RCOR3: variants seen among roughly 807,000 people sequenced by gnomAD.
RCOR3 encodes the protein REST corepressor 3.
A neutral mutation model predicts 64.1 loss-of-function variants in RCOR3; 13 were observed. The ratio of observed to expected loss-of-function variants is 0.20; its 90% CI spans 0.13 to 0.32. RCOR3 has a LOEUF of 0.32. Ranked by LOEUF, RCOR3 falls within the 10% of genes least tolerant of loss-of-function variation. The probability of loss-of-function intolerance (pLI) is 1.00; values close to 1 mark genes in which losing one functional copy is unlikely to be tolerated. For missense variants in RCOR3, 489 were observed against 701.2 expected (o/e 0.70, Z 3.42); for synonymous variants, 215 against 239.0 (o/e 0.90, Z 0.93).
chr1:211,259,957 CAT>C, intron 1 of RCOR3, 149 bp from the exon 2 acceptor site: 1 of 1,369,178 alleles, frequency 7.3e-7, no homozygotes, highest in Non-Finnish European at 9.4e-7. Context: ...AATCCGCTGC[CAT>C]CTCCCGGAGT....
intron 10 of RCOR3, among the ~76,000 whole-genome samples, chr1:211,307,317 A>T (rs1026294888): frequency 7.9e-5 from 12 of 152,050 alleles, no homozygotes; most frequent in African/African-American, 2.7e-4. Flanking sequence ...GTGAAACCCC[A>T]TCTTCACTGA....
At chr1:211,280,230 T>G (rs1697590719) in intron 7 of RCOR3, among the ~76,000 whole-genome samples, 1 of 152,194 alleles carries the variant, frequency 6.6e-6, no homozygotes, top group Admixed American at 6.5e-5. Context: ...ACTTGGCAGA[T>G]AACTTCATCC....
chr1:211,266,480 A>G (rs540496470), intron 2 of RCOR3, among the ~76,000 whole-genome samples: 2 of 152,342 alleles, frequency 1.3e-5, no homozygotes, highest in South Asian at 4.1e-4. Flanking sequence ...TTTTACTTAA[A>G]ACTGAAGACA....
intron 8 of RCOR3, among the ~76,000 whole-genome samples, chr1:211,290,048 C>T (rs565141436): frequency 7.6e-4 from 116 of 152,276 alleles, no homozygotes; most frequent in Non-Finnish European, 1.4e-3. Context: ...CAGTGCCTGG[C>T]GCATATTAAG....
At chr1:211,281,069 T>G (rs1156603932) in intron 7 of RCOR3, among the ~76,000 whole-genome samples, 1 of 151,918 alleles carries the variant, frequency 6.6e-6, no homozygotes, top group Non-Finnish European at 1.5e-5. Flanking sequence ...TTGAGTTTGC[T>G]TTAGTCAGGC....
chr1:211,313,784 C>T lies in RCOR3; in HGVS notation c.*16C>T. ...ACTGCACTAAAAATTAAATTGGACA[C>T]AGCTGCAGTAACTTTTCACCCCATC... is the stretch of plus-strand genomic sequence containing the variant. On this transcript the variant is annotated 3_prime_UTR_variant, in exon 12 of 12. Coordinates refer to ENST00000419091, the MANE Select transcript of RCOR3 (RefSeq NM_001136223.3). The surrounding 1 kb of genome is among the most constrained non-coding windows in gnomAD (Gnocchi z 4.7). 2 of 1,596,714 alleles carry T rather than the reference C, an allele frequency of 1.3e-6. No individual in the cohort carries two copies. The highest frequency in any genetic ancestry group is 1.7e-6 in the Non-Finnish European group (2 of 1,165,070).
rs191799762 is a variant in RCOR3 at position 211,312,681 on chromosome 1, T to C, written c.1076-39T>C. 1.6e-4 allele frequency: 220 copies of C among 1,418,486 alleles called. 1 individual carries two copies. In the East Asian group the frequency reaches 4.8e-3, roughly 31 times the overall value. The allele number at this position is 1,418,486 out of a possible 1,614,324, so 87.9% of individuals were successfully genotyped here. A position where few individuals can be genotyped will look rare whatever the true frequency, so the allele number is the denominator to read the frequency against. On this transcript the variant is annotated intron_variant, in intron 10 of 11. Coordinates refer to ENST00000419091, the MANE Select transcript of RCOR3 (RefSeq NM_001136223.3). The surrounding 1 kb of genome is among the most constrained non-coding windows in gnomAD (Gnocchi z 5.0). ...TGTATAGTACACACAGCTCTCCTTA[T>C]TGATCCTTCACAGGTGTATTATTTA...
intron 10 of RCOR3, among the ~76,000 whole-genome samples, chr1:211,310,364 A>G (rs989468183): frequency 6.6e-6 from 1 of 152,204 alleles, no homozygotes; most frequent in Non-Finnish European, 1.5e-5. Flanking sequence ...AAATGTGCCT[A>G]GATATTTGTT....
intron 8 of RCOR3, among the ~76,000 whole-genome samples, chr1:211,293,998 C>T (rs1043626167): frequency 6.6e-6 from 1 of 152,202 alleles, no homozygotes; most frequent in African/African-American, 2.4e-5. Flanking sequence ...GGTTTCTTAA[C>T]TTCTCTGTGC....
In RCOR3 at chr1:211,316,326, TCTTA is replaced by T. The variant is rs1306507317; in HGVS notation, c.*2559_*2562del. ...TAAGTTATGATCAAACTTTTTATGT[TCTTA>T]ATAAGCTTGCAATTGAGTAAAATAG... On this transcript the variant is annotated 3_prime_UTR_variant, in exon 12 of 12. Transcript: ENST00000419091. The T allele has an allele frequency of 1.2e-4, 18 of 152,222 alleles. No individual in the cohort carries two copies. Among genetic ancestry groups the T allele is most frequent in the Admixed American group, 1.2e-3 (18 of 15,286 alleles). The allele number at this position is 152,222 out of a possible 1,614,324, so 9.4% of individuals were successfully genotyped here. A position where few individuals can be genotyped will look rare whatever the true frequency, so the allele number is the denominator to read the frequency against.
At position 211,314,499 on chromosome 1, in the gene RCOR3, C is replaced by G. The variant is rs1345856910; in HGVS notation, c.*731C>G. Reference sequence around the variant, plus strand: ...CCTTGTTTAAAGGTCATTGACTCATCATCTGTCAGTAATGAGAGGATTGGA... The same window carrying G: ...CCTTGTTTAAAGGTCATTGACTCATGATCTGTCAGTAATGAGAGGATTGGA... On this transcript the variant is annotated 3_prime_UTR_variant, in exon 12 of 12. Transcript: ENST00000419091. 1 of 152,152 alleles carries G rather than the reference C, an allele frequency of 6.6e-6. No individual in the cohort carries two copies. The highest frequency in any genetic ancestry group is 1.5e-5 in the Non-Finnish European group (1 of 67,986). The allele number at this position is 152,152 out of a possible 1,614,324, so 9.4% of individuals were successfully genotyped here. A position where few individuals can be genotyped will look rare whatever the true frequency, so the allele number is the denominator to read the frequency against.
intron 7 of RCOR3, among the ~76,000 whole-genome samples, chr1:211,285,225 G>T (rs961935360): frequency 2.0e-5 from 3 of 152,158 alleles, no homozygotes; most frequent in African/African-American, 7.2e-5. Flanking sequence ...TTGAATAGAA[G>T]ATATGATAGG....
At chr1:211,301,304 C>T (rs770038831) in intron 9 of RCOR3, among the ~76,000 whole-genome samples, 6 of 152,120 alleles carry the variant, frequency 3.9e-5, no homozygotes, top group Admixed American at 1.3e-4. Context: ...CTTAACCTCA[C>T]CTTCCCACAT....
At chr1:211,271,807 G>T (rs1435512804) in intron 3 of RCOR3, 2 of 225,620 alleles carry the variant, frequency 8.9e-6, no homozygotes, top group Middle Eastern at 1.9e-3. Context: ...TCATGGTGTG[G>T]CTTTAGACTT....
intron 7 of RCOR3, among the ~76,000 whole-genome samples, chr1:211,283,043 A>G (rs1698042411): frequency 6.6e-6 from 1 of 152,168 alleles, no homozygotes; most frequent in Non-Finnish European, 1.5e-5. Context: ...GTTCCATTGT[A>G]TACATATACT....
chr1:211,274,279 T>A lies in RCOR3; in HGVS notation c.354+17T>A. ...GTGGAACAGGTATGTAGAGAAACACTTCAGTAGTAAGGCTTGTCCCAATAT... is the reference window on the plus strand; with the variant it reads ...GTGGAACAGGTATGTAGAGAAACACATCAGTAGTAAGGCTTGTCCCAATAT... On this transcript the variant is annotated intron_variant, in intron 4 of 11. Coordinates refer to ENST00000419091, the MANE Select transcript of RCOR3 (RefSeq NM_001136223.3). 6.4e-7 allele frequency: 1 copy of A among 1,557,724 alleles called. No homozygotes were observed. Among genetic ancestry groups the A allele is most frequent in the Non-Finnish European group, 8.8e-7 (1 of 1,130,682 alleles).
intron 9 of RCOR3, chr1:211,303,791 G>T (rs868807808): frequency 5.1e-6 from 1 of 195,098 alleles, no homozygotes; most frequent in Non-Finnish European, 1.0e-5. Context: ...GTGAAACCCC[G>T]TTGGGAAATG....
intron 10 of RCOR3, among the ~76,000 whole-genome samples, chr1:211,308,684 G>GTTTTTTTTTTTTTTTTTTTTTTTTTTT (rs71585833): frequency 9.5e-5 from 4 of 42,050 alleles, no homozygotes; most frequent in Non-Finnish European, 1.9e-4. Context: ...TTTTTTTTTT[G>GTTTTTTTTTTTTTTTTTTTTTTTTTTT]TTTTTTTTTT....
chr1:211,279,341 T>A, intron 7 of RCOR3, 25 bp downstream of exon 7: 4 of 1,495,342 alleles, frequency 2.7e-6, no homozygotes, highest in Non-Finnish European at 3.7e-6. Context: ...TAGAAGTACT[T>A]GTGATTGTTC....
Sources: gnomAD v4.1 joint callset for allele counts (sites outside exome capture counted in the v4.1 genomes callset) on GRCh38, gnomAD v4.1.1 for gene constraint, Gnocchi (gnomAD v3.1) non-coding constraint, MANE v1.5 for transcripts, NCBI Gene and HGNC (gene_info 2026-07-23, HGNC 2026-07-21) for gene names.